The following TUSC3 variants were observed in gnomAD, a reference collection of about 807,000 sequenced individuals.
The protein encoded by TUSC3 is tumor suppressor candidate 3, also known as dolichyl-diphosphooligosaccharide--protein glycosyltransferase subunit TUSC3.
A neutral mutation model predicts 44.8 loss-of-function variants in TUSC3; 45 were observed. That is an observed-to-expected ratio of 1.00 (90% CI 0.79 to 1.29). TUSC3 has a LOEUF of 1.29. Ranked by LOEUF, TUSC3 falls within the 50% of genes most tolerant of loss-of-function variation. TUSC3 has a pLI of 0.00. For missense variants in TUSC3, 519 were observed against 437.9 expected (o/e 1.19, Z -1.65); for synonymous variants, 212 against 152.9 (o/e 1.39, Z -2.85).
intron 1 of TUSC3, among the ~76,000 whole-genome samples, chr8:15,427,115 C>T (rs10099224): frequency 0.13 from 18,884 of 147,762 alleles, 1,357 homozygotes; most frequent in Middle Eastern, 0.2. Context: ...GAGTTTCTTA[C>T]ATACTTTGGA....
chr8:15,829,431 T>A, the TUSC3 span, among the ~76,000 whole-genome samples: 5 of 152,154 alleles, frequency 3.3e-5, no homozygotes, highest in Non-Finnish European at 7.4e-5. Flanking sequence ...ATTATCAAAC[T>A]TTTCAATCTT....
chr8:15,472,954 T>C (rs77695063), intron 1 of TUSC3, among the ~76,000 whole-genome samples: 12,249 of 152,184 alleles, frequency 0.08, 557 homozygotes, highest in African/African-American at 0.12. Flanking sequence ...AGACTCTCAG[T>C]GAGGTTATGC....
the TUSC3 span, among the ~76,000 whole-genome samples, chr8:15,775,454 G>T: frequency 1.3e-5 from 2 of 151,968 alleles, no homozygotes; most frequent in African/African-American, 4.8e-5. Context: ...TTAATTTTAT[G>T]CTACCTGCAT....
chr8:15,800,537 C>T, the TUSC3 span, among the ~76,000 whole-genome samples: 5 of 150,914 alleles, frequency 3.3e-5, no homozygotes, highest in Non-Finnish European at 5.9e-5. Flanking sequence ...CATGCCACTG[C>T]ACTCCAGCCT....
intron 6 of TUSC3, among the ~76,000 whole-genome samples, chr8:15,723,194 C>T (rs761442904): frequency 1.3e-5 from 2 of 152,034 alleles, no homozygotes; most frequent in Non-Finnish European, 2.9e-5. Context: ...TTGGAGTATG[C>T]CTGGGCCAGG....
chr8:15,526,741 C>T (rs1431644517), intron 2 of TUSC3, among the ~76,000 whole-genome samples: 2 of 152,112 alleles, frequency 1.3e-5, no homozygotes, highest in Non-Finnish European at 2.9e-5. Context: ...TGTTCATCAG[C>T]AGCATGATAA....
At chr8:15,528,240 T>C (rs2129130400) in intron 2 of TUSC3, among the ~76,000 whole-genome samples, 1 of 152,290 alleles carries the variant, frequency 6.6e-6, no homozygotes, top group Admixed American at 6.5e-5. Flanking sequence ...ATGACAAGGT[T>C]AAAATTAAAA....
rs10095761 is a variant in TUSC3, at chr8:15,529,381, T to C, written n.189+45898T>C. On this transcript the variant is annotated intron_variant and non_coding_transcript_variant, in intron 2 of 5. Coordinates refer to the TUSC3 transcript ENST00000503191. ...TGAAAAAAGGGCAAAGTTTTTAATA[T>C]GGAAAATGGCATTAAGTTGAGGTTT... Among the ~76,000 whole-genome samples the C allele has an allele frequency of 3.3e-3, 507 of 152,328 alleles. 4 individuals are homozygous for C. Among genetic ancestry groups the C allele is most frequent in the African/African-American group, 0.012 (487 of 41,572 alleles).
intron 1 of TUSC3, among the ~76,000 whole-genome samples, chr8:15,483,221 T>C (rs1281108893): frequency 3.9e-5 from 6 of 152,222 alleles, no homozygotes; most frequent in East Asian, 3.8e-4. Flanking sequence ...TAAATAGGAA[T>C]ATACTTCTAA....
At chr8:15,619,752 T>A (rs1805159083) in intron 1 of TUSC3, among the ~76,000 whole-genome samples, 1 of 152,120 alleles carries the variant, frequency 6.6e-6, no homozygotes, top group Non-Finnish European at 1.5e-5. Context: ...CCTTGTGAGC[T>A]GCCTGCCTCG....
chr8:15,670,247 G>T (rs1807883755), intron 5 of TUSC3, among the ~76,000 whole-genome samples: 1 of 151,840 alleles, frequency 6.6e-6, no homozygotes. Flanking sequence ...AGAGGGTAAT[G>T]AATAGAATAG....
chr8:15,841,394 T>C, the TUSC3 span, among the ~76,000 whole-genome samples: 1 of 152,204 alleles, frequency 6.6e-6, no homozygotes, highest in Non-Finnish European at 1.5e-5. Flanking sequence ...TGTATGCAGA[T>C]TTTATTCATG....
At chr8:15,504,311 C>T (rs1801015067) in intron 2 of TUSC3, among the ~76,000 whole-genome samples, 1 of 151,868 alleles carries the variant, frequency 6.6e-6, no homozygotes, top group South Asian at 2.1e-4. Flanking sequence ...AACTTATTGA[C>T]ATAGACTTCT....
At chr8:15,790,165 G>A in the TUSC3 span, among the ~76,000 whole-genome samples, 1 of 147,966 alleles carries the variant, frequency 6.8e-6, no homozygotes, top group Non-Finnish European at 1.5e-5. Context: ...TAACTAACAG[G>A]TCATTGTTAA....
At position 15,716,964 on chromosome 8, in the gene TUSC3, AG is replaced by A. The variant is rs1810084015; in HGVS notation, c.799-13699del. Among the ~76,000 whole-genome samples the A allele has an allele frequency of 2.6e-5, 4 of 152,178 alleles. No homozygotes were observed. In the South Asian group the frequency reaches 8.3e-4, roughly 31 times the overall value. On this transcript the variant is annotated intron_variant, in intron 6 of 10. Coordinates refer to ENST00000503731, the MANE Select transcript of TUSC3 (RefSeq NM_006765.4). ...TTAAAATCCCTGAATATTTTACTGT[AG>A]GGTTTAAATGTATTGTATATTTAGT...
intron 9 of TUSC3, among the ~76,000 whole-genome samples, chr8:15,750,773 A>G (rs1052310853): frequency 1.3e-5 from 2 of 151,826 alleles, no homozygotes; most frequent in African/African-American, 2.4e-5. Flanking sequence ...CCAGCCCCAC[A>G]CTCCTGTCAG....
chr8:15,675,142 A>T (rs1808126600), intron 6 of TUSC3, among the ~76,000 whole-genome samples: 1 of 152,152 alleles, frequency 6.6e-6, no homozygotes, highest in Non-Finnish European at 1.5e-5. Flanking sequence ...TTCTGAAAGA[A>T]TGGATTTTAT....
intron 1 of TUSC3, among the ~76,000 whole-genome samples, chr8:15,430,444 ACT>A (rs1238007788): frequency 6.6e-6 from 1 of 150,402 alleles, no homozygotes; most frequent in African/African-American, 2.5e-5. Flanking sequence ...CATGTTAAAA[ACT>A]CTCAATAAAT....
rs77961107 is a variant in TUSC3, at chr8:15,572,082, A to G, written c.138+31514A>G. 2.9e-3 allele frequency among the ~76,000 whole-genome samples: 437 copies of G among 152,258 alleles called. 2 individuals carry two copies. Among genetic ancestry groups the G allele is most frequent in the African/African-American group, 0.01 (428 of 41,560 alleles). The stretch of plus-strand genomic sequence containing the variant: ...TCACCAGCTGCATTAGCCCCTACCA[A>G]GAGATTCAGCCTGTCCTTTCAAACC... On this transcript the variant is annotated intron_variant, in intron 1 of 10. Transcript: ENST00000503731.
Sources: allele counts gnomAD v4.1 joint callset (sites outside exome capture counted in the v4.1 genomes callset), GRCh38; gene constraint gnomAD v4.1.1; transcripts MANE v1.5; gene names NCBI Gene and HGNC (gene_info 2026-07-23, HGNC 2026-07-21).